The following HSPA14 variants were observed in gnomAD, a reference collection of about 807,000 sequenced individuals.
The protein encoded by HSPA14 is heat shock protein family A (Hsp70) member 14, also known as heat shock 70 kDa protein 14.
A neutral mutation model predicts 65.5 loss-of-function variants in HSPA14; 37 were observed. The ratio of observed to expected loss-of-function variants is 0.56; its 90% CI spans 0.43 to 0.74. HSPA14 has a LOEUF of 0.74. Among genes scored for constraint, HSPA14 ranks in the 30% least tolerant of loss-of-function variants. The probability of loss-of-function intolerance (pLI) is 0.00; values close to 1 mark genes in which losing one functional copy is unlikely to be tolerated. For synonymous variants in HSPA14, 203 were observed against 214.2 expected (o/e 0.95, Z 0.46); for missense variants, 564 against 607.6 (o/e 0.93, Z 0.75).
At chr10:14,854,823 G>T (rs1171967038) in intron 9 of HSPA14, among the ~76,000 whole-genome samples, 1 of 152,184 alleles carries the variant, frequency 6.6e-6, no homozygotes, top group Non-Finnish European at 1.5e-5. Flanking sequence ...CTAGCCACCT[G>T]TGGCTGCTTA....
At chr10:14,860,001 T>C (rs1832738154) in intron 10 of HSPA14, among the ~76,000 whole-genome samples, 1 of 152,240 alleles carries the variant, frequency 6.6e-6, no homozygotes, top group Non-Finnish European at 1.5e-5. Flanking sequence ...ATCACAAAGT[T>C]GGTATCTGTT....
intron 7 of HSPA14, among the ~76,000 whole-genome samples, chr10:14,851,864 G>A (rs966455815): frequency 2.6e-5 from 4 of 152,084 alleles, no homozygotes; most frequent in Non-Finnish European, 4.4e-5. Flanking sequence ...CTCATTATTC[G>A]TATCTCCTAG....
rs373220150 is a variant in HSPA14 at position 14,864,316 on chromosome 10, C to CT, written c.994-2757dup. On this transcript the variant is annotated intron_variant, in intron 10 of 13. Coordinates refer to ENST00000378372, the MANE Select transcript of HSPA14 (RefSeq NM_016299.4). Reference sequence around the variant, plus strand: ...TTGTTTTTTTGCATAGCACCACTTACTTTTTTTTTTATTTTTATATATATT... The same window carrying CT: ...TTGTTTTTTTGCATAGCACCACTTACTTTTTTTTTTTATTTTTATATATATT... Among the ~76,000 whole-genome samples the CT allele has an allele frequency of 4.3e-4, 59 of 137,698 alleles. No homozygotes were observed. In the East Asian group the frequency reaches 9.2e-3, roughly 22 times the overall value. 90.3% of individuals were successfully genotyped at this position (137,698 alleles called of 152,430 possible). A position where few individuals can be genotyped will look rare whatever the true frequency, so the allele number is the denominator to read the frequency against.
intron 3 of HSPA14, among the ~76,000 whole-genome samples, chr10:14,847,753 A>C (rs1479737977): frequency 6.6e-6 from 1 of 152,208 alleles, no homozygotes; most frequent in Non-Finnish European, 1.5e-5. Flanking sequence ...TCCTTGGAAG[A>C]AGGGTTTAAT....
chr10:14,842,215 G>C lies in HSPA14; in HGVS notation c.221+2058G>C. 2 of 1,535,514 alleles carry C rather than the reference G, an allele frequency of 1.3e-6. No homozygotes were observed. The highest frequency in any genetic ancestry group is 8.7e-7 in the Non-Finnish European group (1 of 1,146,878). ...CCTGGAGATATCCTGAGAGCACACA[G>C]AGCTTCCCCACACCTTCAGACTTGC... On this transcript the variant is annotated intron_variant, in intron 3 of 13. Coordinates refer to ENST00000378372, the MANE Select transcript of HSPA14 (RefSeq NM_016299.4). The surrounding 1 kb of genome is among the most constrained non-coding windows in gnomAD (Gnocchi z 5.2).
intron 9 of HSPA14, among the ~76,000 whole-genome samples, chr10:14,855,640 G>A (rs543857710): frequency 6.6e-6 from 1 of 152,210 alleles, no homozygotes; most frequent in East Asian, 1.9e-4. Context: ...AGACTCTCCT[G>A]TCTCCATGAT....
chr10:14,862,621 C>G (rs994334656), intron 10 of HSPA14, among the ~76,000 whole-genome samples: 47 of 150,742 alleles, frequency 3.1e-4, no homozygotes, highest in African/African-American at 1.0e-3. Flanking sequence ...GTAATCCGCC[C>G]ACCTCGGCCT....
chr10:14,838,497 G>A, intron 1 of HSPA14, 38 bp downstream of exon 1: 5 of 1,556,020 alleles, frequency 3.2e-6, no homozygotes, highest in Admixed American at 3.8e-5. Context: ...CTTCATGACG[G>A]CCACCCGGTT....
chr10:14,840,041 A>AATATAT, intron 2 of HSPA14, 34 bp from the exon 3 acceptor site: 1 of 1,194,508 alleles, frequency 8.4e-7, no homozygotes, highest in Non-Finnish European at 1.1e-6. Context: ...CATACATTGT[A>AATATAT]ATATATATAT....
At chr10:14,848,703 C>T in intron 4 of HSPA14, 46 bp downstream of exon 4, 2 of 1,498,760 alleles carry the variant, frequency 1.3e-6, no homozygotes, top group Non-Finnish European at 9.2e-7. Context: ...AGAGTAATTA[C>T]CAAGGTGATA....
At chr10:14,843,637 G>A (rs1834005167) in intron 3 of HSPA14, 3 of 1,550,250 alleles carry the variant, frequency 1.9e-6, no homozygotes, top group Middle Eastern at 1.7e-4. Flanking sequence ...GCGGTCAGTG[G>A]CCAGGACTAT....
At chr10:14,864,766 A>T (rs569336547) in intron 10 of HSPA14, among the ~76,000 whole-genome samples, 1 of 152,320 alleles carries the variant, frequency 6.6e-6, no homozygotes, top group African/African-American at 2.4e-5. Flanking sequence ...GCTGTTGTGA[A>T]TAGTACCGCA....
chr10:14,839,291 G>A (rs190991488), intron 1 of HSPA14, among the ~76,000 whole-genome samples: 1 of 152,292 alleles, frequency 6.6e-6, no homozygotes, highest in East Asian at 1.9e-4. Context: ...GGGAAGAAAG[G>A]GGCCCAGCGC....
At chr10:14,843,350 C>A in intron 3 of HSPA14, 2 of 1,550,634 alleles carry the variant, frequency 1.3e-6, no homozygotes, top group Non-Finnish European at 1.7e-6. Flanking sequence ...CTCTTTGCAA[C>A]ATTGTTGCTT....
intron 6 of HSPA14, among the ~76,000 whole-genome samples, chr10:14,850,304 A>C (rs1472394148): frequency 1.3e-5 from 2 of 152,074 alleles, no homozygotes; most frequent in Non-Finnish European, 2.9e-5. Flanking sequence ...CATAAAATTA[A>C]ATATGGTGTA....
At chr10:14,861,208 C>T (rs1175126871) in intron 10 of HSPA14, among the ~76,000 whole-genome samples, 1 of 152,108 alleles carries the variant, frequency 6.6e-6, no homozygotes, top group African/African-American at 2.4e-5. Flanking sequence ...AGTTGTGTTA[C>T]AAGGGCAATA....
chr10:14,843,646 A>T, intron 3 of HSPA14: 3 of 1,549,940 alleles, frequency 1.9e-6, no homozygotes, highest in Admixed American at 2.0e-5. Flanking sequence ...GGCCAGGACT[A>T]TCGCAGCCGA....
intron 3 of HSPA14, among the ~76,000 whole-genome samples, chr10:14,847,759 T>C (rs1459279529): frequency 6.6e-6 from 1 of 152,188 alleles, no homozygotes; most frequent in Admixed American, 6.5e-5. Flanking sequence ...GAAGAAGGGT[T>C]TAATGAAAGG....
Position 14,840,066 on chromosome 10 carries a change from T to C in HSPA14, c.139-9T>C. On this transcript the variant is annotated splice_polypyrimidine_tract_variant and intron_variant, in intron 2 of 13. Transcript: ENST00000378372. ...AATATATATATATATATATTATTTT[T>C]TTTTTCAGATTGTTGGATTGGCAGC... The C allele has an allele frequency of 1.5e-6, 2 of 1,308,826 alleles. No individual in the cohort carries two copies. Among genetic ancestry groups the C allele is most frequent in the Non-Finnish European group, 2.0e-6 (2 of 977,868 alleles). The allele number at this position is 1,308,826 out of a possible 1,614,324, so 81.1% of individuals were successfully genotyped here.
Sources: gnomAD v4.1 joint callset for allele counts (sites outside exome capture counted in the v4.1 genomes callset) on GRCh38, gnomAD v4.1.1 for gene constraint, Gnocchi (gnomAD v3.1) non-coding constraint, MANE v1.5 for transcripts, NCBI Gene and HGNC (gene_info 2026-07-23, HGNC 2026-07-21) for gene names.